Variants in ATP2B1 observed in about 807,000 individuals in gnomAD.
ATP2B1 encodes the protein ATPase plasma membrane Ca2+ transporting 1, also known as plasma membrane calcium-transporting ATPase 1.
Under a neutral mutation model 124.2 loss-of-function variants are expected in ATP2B1, and 14 were observed. The observed-to-expected ratio is 0.11, with a 90% CI of 0.07 to 0.18. The LOEUF is 0.18. Ranked by LOEUF, ATP2B1 falls within the 10% of genes least tolerant of loss-of-function variation. The pLI, the probability that ATP2B1 is intolerant of heterozygous loss-of-function variation, is 1.00. For synonymous variants in ATP2B1, 449 were observed against 492.4 expected (o/e 0.91, Z 1.17); for missense variants, 763 against 1,466.1 (o/e 0.52, Z 7.83).
chr12:89,653,643 A>G (rs902651935), intron 2 of ATP2B1, among the ~76,000 whole-genome samples: 3 of 152,224 alleles, frequency 2.0e-5, no homozygotes, highest in African/African-American at 7.2e-5. Context: ...GAGATTATCC[A>G]TAGCTTCCAA....
upstream of ATP2B1, chr12:89,709,327 C>A (rs930117574): frequency 1.3e-5 from 2 of 152,514 alleles, no homozygotes; most frequent in African/African-American, 4.8e-5. Flanking sequence ...GAAGCTCGCG[C>A]CGCCGCCGCT....
intron 11 of ATP2B1, among the ~76,000 whole-genome samples, chr12:89,618,651 C>T (rs1207910206): frequency 2.6e-5 from 4 of 152,152 alleles, no homozygotes; most frequent in African/African-American, 7.2e-5. Flanking sequence ...CAGATATTCC[C>T]CTCCCCAGTA....
intron 1 of ATP2B1, among the ~76,000 whole-genome samples, chr12:89,670,355 C>T (rs897971034): frequency 1.6e-4 from 22 of 135,032 alleles, no homozygotes; most frequent in Non-Finnish European, 7.8e-5. Context: ...ATGTTATGTG[C>T]ACAAAATAAA....
In ATP2B1 at chr12:89,624,165, G is replaced by C. The variant is rs759320219; in HGVS notation, c.1344+18C>G. 1 of 1,607,956 alleles carries C rather than the reference G, an allele frequency of 6.2e-7. No individual in the cohort carries two copies. Among genetic ancestry groups the C allele is most frequent in the Non-Finnish European group, 8.5e-7 (1 of 1,174,932 alleles). ...GGCTTTAAACATAACAACGTCTACT[G>C]AACTATTTTCTACTTACTTTGACTG... On this transcript the variant is annotated intron_variant, in intron 9 of 20. Coordinates refer to ENST00000428670, the MANE Select transcript of ATP2B1 (RefSeq NM_001366521.1).
intron 1 of ATP2B1, among the ~76,000 whole-genome samples, chr12:89,696,302 A>G (rs1891129855): frequency 6.6e-6 from 1 of 152,362 alleles, no homozygotes; most frequent in East Asian, 1.9e-4. Context: ...TCATAAGACC[A>G]CAAACTACCA....
At chr12:89,619,917 G>A in intron 11 of ATP2B1, 82 bp downstream of exon 11, 4 of 1,515,768 alleles carry the variant, frequency 2.6e-6, no homozygotes, top group Non-Finnish European at 2.7e-6. Flanking sequence ...TTCACAAAAA[G>A]ACAACAACAA....
chr12:89,694,203 G>A (rs1208204297), intron 1 of ATP2B1, among the ~76,000 whole-genome samples: 1 of 152,108 alleles, frequency 6.6e-6, no homozygotes, highest in Non-Finnish European at 1.5e-5. Context: ...AGAAAGATGT[G>A]TATCTACTAA....
At chr12:89,701,865 G>A (rs1017073721) in intron 1 of ATP2B1, among the ~76,000 whole-genome samples, 1 of 151,796 alleles carries the variant, frequency 6.6e-6, no homozygotes, top group Non-Finnish European at 1.5e-5. Flanking sequence ...GTCCTATCAG[G>A]TGAGAGGAAA....
rs542478276 is a variant in ATP2B1, at chr12:89,630,758, T to A, written c.788-113A>T. The stretch of plus-strand genomic sequence containing the variant: ...AACAGCCTCAACATTTAGGAAAAAA[T>A]ATATATAAATATAAATATATAAATA... On this transcript the variant is annotated intron_variant, in intron 5 of 20. Transcript: ENST00000428670. 1.4e-3 allele frequency: 168 copies of A among 123,354 alleles called. No individual in the cohort carries two copies. Among genetic ancestry groups the A allele is most frequent in the Non-Finnish European group, 2.0e-3 (133 of 67,324 alleles). The allele number at this position is 123,354 out of a possible 1,614,324, so 7.6% of individuals were successfully genotyped here.
chr12:89,681,526 G>C (rs888438871), intron 1 of ATP2B1, among the ~76,000 whole-genome samples: 1 of 151,940 alleles, frequency 6.6e-6, no homozygotes, highest in Non-Finnish European at 1.5e-5. Context: ...GATTACAGAC[G>C]TGTACCACCA....
At chr12:89,661,603 T>C (rs1886699640) in intron 1 of ATP2B1, among the ~76,000 whole-genome samples, 1 of 152,180 alleles carries the variant, frequency 6.6e-6, no homozygotes, top group African/African-American at 2.4e-5. Flanking sequence ...ATCAGGGAAA[T>C]AACTGGCACT....
chr12:89,701,389 T>C (rs2136865246), intron 1 of ATP2B1, among the ~76,000 whole-genome samples: 1 of 152,310 alleles, frequency 6.6e-6, no homozygotes, highest in East Asian at 1.9e-4. Context: ...AGAACTGAGA[T>C]AAGATATAGG....
intron 11 of ATP2B1, among the ~76,000 whole-genome samples, chr12:89,619,726 T>C (rs1243580731): frequency 6.6e-6 from 1 of 151,538 alleles, no homozygotes; most frequent in Non-Finnish European, 1.5e-5. Context: ...CTTCTAAAAA[T>C]AAACATCAAA....
At chr12:89,698,850 G>A (rs976140931) in intron 1 of ATP2B1, among the ~76,000 whole-genome samples, 13 of 152,182 alleles carry the variant, frequency 8.5e-5, no homozygotes, top group African/African-American at 3.1e-4. Context: ...AAAGCTGGGT[G>A]AGGGAAGAAG....
rs79172969 is a variant in ATP2B1 at position 89,662,318 on chromosome 12, T to C, written c.-221-6211A>G. On this transcript the variant is annotated intron_variant, in intron 1 of 20. Transcript: ENST00000428670. ...TGATAATTTACTGTAAACTTAAATA[T>C]AAGTGCTTGCATGTAATATCTCACT... Among the ~76,000 whole-genome samples, 1,237 of 152,258 alleles carry C rather than the reference T, an allele frequency of 8.1e-3. 15 individuals are homozygous for C. Among genetic ancestry groups the C allele is most frequent in the African/African-American group, 0.029 (1,185 of 41,546 alleles).
Position 89,591,060 on chromosome 12 carries a change from A to G in ATP2B1, c.3587T>C (p.Leu1196Pro). 1.2e-6 allele frequency: 2 copies of G among 1,613,230 alleles called. No homozygotes were observed. Among genetic ancestry groups the G allele is most frequent in the Non-Finnish European group, 1.7e-6 (2 of 1,179,392 alleles). ...AGCAGACTTGTTCATTTCTATTGTA[A>G]GGTGAATTCCACTGTCAACAGCATT... ...NNNAVDSGIH[L>P]TIEMNKSATS... Residue 1196 changes from leucine (L) to proline (P), a missense_variant, in exon 21 of 21, where the codon CTT becomes CCT. Physicochemically the swap from Leu to Pro is moderately conservative, Grantham distance 98. Coordinates refer to ENST00000428670, the MANE Select transcript of ATP2B1 (RefSeq NM_001366521.1).
At chr12:89,616,232 A>G (rs569854765) in intron 12 of ATP2B1, among the ~76,000 whole-genome samples, 1 of 152,200 alleles carries the variant, frequency 6.6e-6, no homozygotes, top group Non-Finnish European at 1.5e-5. Flanking sequence ...ACAAACTTAA[A>G]AAAGGTGAAA....
chr12:89,634,576 G>C (rs1316523422), intron 5 of ATP2B1, among the ~76,000 whole-genome samples: 2 of 152,078 alleles, frequency 1.3e-5, no homozygotes, highest in African/African-American at 4.8e-5. Context: ...TCCCTCATTT[G>C]TAAAATATAG....
At chr12:89,678,091 C>A (rs1376265128) in intron 1 of ATP2B1, among the ~76,000 whole-genome samples, 1 of 149,980 alleles carries the variant, frequency 6.7e-6, no homozygotes, top group Non-Finnish European at 1.5e-5. Context: ...CCTAACTGGC[C>A]CCTACTTAAC....
Sources: allele counts gnomAD v4.1 joint callset (sites outside exome capture counted in the v4.1 genomes callset), GRCh38; gene constraint gnomAD v4.1.1; transcripts MANE v1.5; gene names NCBI Gene and HGNC (gene_info 2026-07-23, HGNC 2026-07-21).